TNKS: variants seen among roughly 807,000 people sequenced by gnomAD.
TNKS encodes poly [ADP-ribose] polymerase tankyrase-1.
TNKS carries 72 observed loss-of-function variants against 135.8 expected under a neutral mutation model. The observed-to-expected ratio is 0.53, with a 90% CI of 0.44 to 0.64. TNKS has a LOEUF of 0.64. TNKS is among the 30% of genes least tolerant of loss of function. The pLI is 0.00. For synonymous variants in TNKS, 849 were observed against 649.3 expected (o/e 1.31, Z -4.68); for missense variants, 1,769 against 1,674.0 (o/e 1.06, Z -0.99).
intron 23 of TNKS, among the ~76,000 whole-genome samples, 165 bp downstream of exon 23, chr8:9,764,955 T>G (rs1807347019): frequency 6.6e-6 from 1 of 152,104 alleles, no homozygotes; most frequent in Admixed American, 6.6e-5. Context: ...TATCTCTAAC[T>G]CCCCAAGACA....
chr8:9,707,493 G>A (rs1804105189), intron 8 of TNKS, among the ~76,000 whole-genome samples: 2 of 152,096 alleles, frequency 1.3e-5, no homozygotes. Flanking sequence ...CTGCAAGGCT[G>A]CACAATCATA....
intron 2 of TNKS, among the ~76,000 whole-genome samples, chr8:9,607,048 C>CT (rs1191560252): frequency 6.6e-6 from 1 of 152,104 alleles, no homozygotes; most frequent in South Asian, 2.1e-4. Flanking sequence ...TGTTTAGTCT[C>CT]TTTTTGCATT....
At chr8:9,592,741 T>C (rs1798633501) in intron 2 of TNKS, among the ~76,000 whole-genome samples, 1 of 152,244 alleles carries the variant, frequency 6.6e-6, no homozygotes. Flanking sequence ...GGCTTGATTC[T>C]GTCTGACTTT....
chr8:9,688,780 C>T (rs924965701), intron 5 of TNKS, among the ~76,000 whole-genome samples: 6 of 152,162 alleles, frequency 3.9e-5, no homozygotes, highest in Non-Finnish European at 7.3e-5. Flanking sequence ...GCTGAGATTA[C>T]AGGTGCCCGC....
Position 9,580,382 on chromosome 8 carries a change from T to A in TNKS, c.897T>A (p.Ile299=). 1 of 1,612,908 alleles carries A rather than the reference T, an allele frequency of 6.2e-7. No individual in the cohort carries two copies. Among genetic ancestry groups the A allele is most frequent in the South Asian group, 1.1e-5 (1 of 90,998 alleles). ...TTAAAGGGAAGATCGATGTGTGCAT[T>A]GGTAAGTATCATTTGATGATATCTA... ...AAIKGKIDVC[I]VLLQHGADPN... Residue 299 remains isoleucine, a splice_region_variant and synonymous_variant, in exon 2 of 27, where the codon ATT becomes ATA. Transcript: ENST00000310430.
At chr8:9,641,119 T>C (rs1442142283) in intron 3 of TNKS, among the ~76,000 whole-genome samples, 4 of 146,104 alleles carry the variant, frequency 2.7e-5, no homozygotes, top group African/African-American at 1.0e-4. Flanking sequence ...GCACCCAATT[T>C]ATTCAGTTAC....
At chr8:9,639,915 A>G (rs766682736) in intron 3 of TNKS, among the ~76,000 whole-genome samples, 1 of 152,186 alleles carries the variant, frequency 6.6e-6, no homozygotes, top group Admixed American at 6.5e-5. Flanking sequence ...CCAAAAGACT[A>G]ATCGGGACGG....
intron 5 of TNKS, 57 bp from the exon 6 acceptor site, chr8:9,704,606 A>G (rs1803961725): frequency 1.4e-6 from 2 of 1,432,342 alleles, no homozygotes; most frequent in African/African-American, 1.4e-5. Context: ...ATGGCAAAGC[A>G]AGGATTTTCT....
intron 5 of TNKS, among the ~76,000 whole-genome samples, chr8:9,704,075 A>C (rs181059402): frequency 6.6e-6 from 1 of 152,246 alleles, no homozygotes; most frequent in Non-Finnish European, 1.5e-5. Flanking sequence ...CTTGGTATAC[A>C]TCATTGCACC....
At chr8:9,763,028 T>G in intron 21 of TNKS, 119 bp from the exon 22 acceptor site, 1 of 443,462 alleles carries the variant, frequency 2.3e-6, no homozygotes, top group East Asian at 3.4e-5. Flanking sequence ...GCAGATAGTT[T>G]AGGTTTGTTC....
chr8:9,567,943 G>GA (rs1009638491), intron 1 of TNKS, among the ~76,000 whole-genome samples: 6 of 151,466 alleles, frequency 4.0e-5, no homozygotes, highest in Admixed American at 2.6e-4. Flanking sequence ...ACATTTAAGT[G>GA]AAAAAAAAGG....
At chr8:9,600,519 A>C (rs4582569) in intron 2 of TNKS, among the ~76,000 whole-genome samples, 42,876 of 151,636 alleles carry the variant, frequency 0.28, 6,313 homozygotes, top group East Asian at 0.37. Flanking sequence ...CGCCATGTTG[A>C]CCGGGATGGT....
chr8:9,580,133 CA>C (rs766671597), intron 1 of TNKS, 25 bp from the exon 2 acceptor site: 4 of 1,591,192 alleles, frequency 2.5e-6, no homozygotes, highest in Non-Finnish European at 3.4e-6. Context: ...AATATATATA[CA>C]AGACATTTTT....
At chr8:9,750,306 T>C (rs1164817839) in intron 18 of TNKS, among the ~76,000 whole-genome samples, 1 of 152,188 alleles carries the variant, frequency 6.6e-6, no homozygotes, top group Non-Finnish European at 1.5e-5. Context: ...GAATGGTGAA[T>C]AATTTTGTTT....
At chr8:9,584,008 C>T (rs982997431) in intron 2 of TNKS, among the ~76,000 whole-genome samples, 9 of 150,962 alleles carry the variant, frequency 6.0e-5, no homozygotes, top group African/African-American at 2.2e-4. Context: ...ACTAAAAATA[C>T]AAAAAATTAG....
At chr8:9,634,453 C>G (rs1800427433) in intron 3 of TNKS, among the ~76,000 whole-genome samples, 1 of 152,124 alleles carries the variant, frequency 6.6e-6, no homozygotes, top group African/African-American at 2.4e-5. Flanking sequence ...AAGGGAATTT[C>G]AAACCAACTT....
intron 2 of TNKS, among the ~76,000 whole-genome samples, chr8:9,582,007 C>A (rs1798186339): frequency 6.6e-6 from 1 of 151,996 alleles, no homozygotes; most frequent in African/African-American, 2.4e-5. Context: ...AGTTCTTGTG[C>A]CTTATAAAAG....
intron 2 of TNKS, among the ~76,000 whole-genome samples, chr8:9,605,971 CTTT>C (rs1799201356): frequency 6.6e-6 from 1 of 151,746 alleles, no homozygotes; most frequent in South Asian, 2.1e-4. Flanking sequence ...TTGGTATTTT[CTTT>C]TAAGGCTTAG....
At chr8:9,650,705 T>C (rs546945720) in intron 3 of TNKS, among the ~76,000 whole-genome samples, 3 of 152,296 alleles carry the variant, frequency 2.0e-5, no homozygotes, top group African/African-American at 7.2e-5. Context: ...AGATTCTAGA[T>C]GTTAGTTAGT....
Sources: gnomAD v4.1 joint callset for allele counts (sites outside exome capture counted in the v4.1 genomes callset) on GRCh38, gnomAD v4.1.1 for gene constraint, MANE v1.5 for transcripts, NCBI Gene and HGNC (gene_info 2026-07-23, HGNC 2026-07-21) for gene names.